COA1: variants seen among roughly 807,000 people sequenced by gnomAD.
COA1 encodes cytochrome c oxidase assembly factor 1.
Under a neutral mutation model 16.0 loss-of-function variants are expected in COA1, and 13 were observed. That is an observed-to-expected ratio of 0.81 (90% CI 0.53 to 1.29). COA1 has a LOEUF of 1.29. COA1 is among the 50% of genes most tolerant of loss of function. The pLI is 0.00. For missense variants in COA1, 179 were observed against 177.0 expected (o/e 1.01, Z -0.06); for synonymous variants, 65 against 65.7 (o/e 0.99, Z 0.05).
intron 1 of COA1, among the ~76,000 whole-genome samples, chr7:43,688,716 A>G (rs746335705): frequency 6.6e-6 from 1 of 152,178 alleles, no homozygotes; most frequent in Non-Finnish European, 1.5e-5. Flanking sequence ...ATGACCTGTC[A>G]TTCTCAAAAT....
chr7:43,693,367 G>A (rs969352581), intron 1 of COA1, among the ~76,000 whole-genome samples: 2 of 152,024 alleles, frequency 1.3e-5, no homozygotes, highest in Admixed American at 6.6e-5. Flanking sequence ...CATTGTTCTT[G>A]TCAAATGCAT....
intron 1 of COA1, among the ~76,000 whole-genome samples, chr7:43,728,104 A>G (rs2132417895): frequency 6.6e-6 from 1 of 151,724 alleles, no homozygotes; most frequent in East Asian, 1.9e-4. Context: ...CCTCCCAAGT[A>G]GCTGGGACTA....
intron 1 of COA1, among the ~76,000 whole-genome samples, chr7:43,677,009 T>C (rs2093555477): frequency 1.3e-5 from 2 of 152,218 alleles, no homozygotes; most frequent in African/African-American, 2.4e-5. Context: ...TTGCCAACTG[T>C]TAAGTCCCCT....
At chr7:43,691,365 GAGGGAGGGAGGGAGGAAGGAAGGAAGGA>G (rs1228172225) in intron 1 of COA1, among the ~76,000 whole-genome samples, 510 of 32,552 alleles carry the variant, frequency 0.016, 9 homozygotes, top group African/African-American at 0.039. Flanking sequence ...GGGAGGGAGG[GAGGGAGGGAGGGAGGAAGGAAGGAAGGA>G]AGGAAGGAAG....
At chr7:43,727,718 G>C (rs756287278) in intron 1 of COA1, among the ~76,000 whole-genome samples, 1 of 152,228 alleles carries the variant, frequency 6.6e-6, no homozygotes, top group African/African-American at 2.4e-5. Flanking sequence ...GGATGGGGAA[G>C]TCAGGTGAGC....
intron 1 of COA1, among the ~76,000 whole-genome samples, chr7:43,692,000 T>C (rs532204343): frequency 2.0e-4 from 30 of 152,316 alleles, no homozygotes; most frequent in East Asian, 1.4e-3. Context: ...GTCTCAGCAG[T>C]GGACCTGGAA....
At chr7:43,649,588 A>T (rs1164314646) in intron 1 of COA1, 1 of 152,266 alleles carries the variant, frequency 6.6e-6, no homozygotes, top group Non-Finnish European at 1.5e-5. Flanking sequence ...TAAAAACAGT[A>T]TCAAGATATA....
intron 6 of COA1, chr7:43,632,688 AT>A (rs745511207): frequency 2.0e-5 from 3 of 152,196 alleles, no homozygotes; most frequent in Non-Finnish European, 2.9e-5. Context: ...AACCAGGTGC[AT>A]TGTTAATGAG....
chr7:43,616,585 G>C (rs2083365052), intron 6 of COA1, among the ~76,000 whole-genome samples: 1 of 152,128 alleles, frequency 6.6e-6, no homozygotes, highest in Non-Finnish European at 1.5e-5. Context: ...TGGATAGAAG[G>C]TAAGACCCTT....
chr7:43,659,704 T>C (rs10081370), intron 1 of COA1, among the ~76,000 whole-genome samples: 22,156 of 152,154 alleles, frequency 0.15, 2,179 homozygotes, highest in Non-Finnish European at 0.21. Context: ...CCCTTTATTC[T>C]CACAGACTCA....
intron 1 of COA1, among the ~76,000 whole-genome samples, chr7:43,659,409 G>T (rs2092193974): frequency 6.6e-6 from 1 of 152,142 alleles, no homozygotes; most frequent in African/African-American, 2.4e-5. Flanking sequence ...CATGACATCT[G>T]CTTGAACAAA....
intron 6 of COA1, among the ~76,000 whole-genome samples, chr7:43,630,499 T>C (rs1043584488): frequency 1.3e-5 from 2 of 152,148 alleles, no homozygotes; most frequent in African/African-American, 4.8e-5. Flanking sequence ...GAAGATAAAG[T>C]ATTTGGGAAG....
At chr7:43,675,992 CG>C (rs1490246465) in intron 1 of COA1, among the ~76,000 whole-genome samples, 5 of 152,094 alleles carry the variant, frequency 3.3e-5, no homozygotes, top group Admixed American at 6.5e-5. Flanking sequence ...TACTACCCAT[CG>C]GTGATAACTG....
chr7:43,652,945 G>A (rs1021360615), intron 1 of COA1, among the ~76,000 whole-genome samples: 1 of 152,044 alleles, frequency 6.6e-6, no homozygotes, highest in African/African-American at 2.4e-5. Context: ...GATGAAAAAA[G>A]TAAGGCAATA....
chr7:43,627,158 CGTT>C (rs971706887), intron 6 of COA1, among the ~76,000 whole-genome samples: 4 of 152,096 alleles, frequency 2.6e-5, no homozygotes, highest in South Asian at 2.1e-4. Flanking sequence ...TGTGGTGAAA[CGTT>C]GTTTATGAAA....
chr7:43,675,686 T>A (rs2093484352), intron 1 of COA1, among the ~76,000 whole-genome samples: 1 of 152,180 alleles, frequency 6.6e-6, no homozygotes, highest in South Asian at 2.1e-4. Context: ...AATTTTTACA[T>A]GTAACAAATT....
At chr7:43,710,348 C>CAAAAAAAAAA (rs1165121530) in intron 1 of COA1, among the ~76,000 whole-genome samples, 1 of 52,450 alleles carries the variant, frequency 1.9e-5, no homozygotes, top group Non-Finnish European at 3.5e-5. Context: ...GACTCTGTCT[C>CAAAAAAAAAA]AAAAAAAAAA....
chr7:43,676,540 A>T (rs1027740025), intron 1 of COA1, among the ~76,000 whole-genome samples: 24 of 152,210 alleles, frequency 1.6e-4, no homozygotes, highest in Non-Finnish European at 3.4e-4. Context: ...AGCTAAAAAA[A>T]GTTGATCTCA....
intron 1 of COA1, among the ~76,000 whole-genome samples, chr7:43,691,265 A>AAAGAAAAGAAAGAAAGAAAGAAAGAAAG (rs1450949783): frequency 2.2e-5 from 1 of 45,932 alleles, no homozygotes; most frequent in African/African-American, 9.1e-5. Context: ...AGAAAGAAAG[A>AAAGAAAAGAAAGAAAGAAAGAAAGAAAG]AAAGAAAGAA....
Sources: gnomAD v4.1 joint callset for allele counts (sites outside exome capture counted in the v4.1 genomes callset) on GRCh38, gnomAD v4.1.1 for gene constraint, MANE v1.5 for transcripts, NCBI Gene and HGNC (gene_info 2026-07-23, HGNC 2026-07-21) for gene names.